Variants in ZFHX3 observed in about 807,000 individuals in gnomAD.
ZFHX3 encodes zinc finger homeobox protein 3.
A neutral mutation model predicts 279.1 loss-of-function variants in ZFHX3; 42 were observed. The ratio of observed to expected loss-of-function variants is 0.15; its 90% CI spans 0.12 to 0.19. ZFHX3 has a LOEUF of 0.19. Ranked by LOEUF, ZFHX3 falls within the 10% of genes least tolerant of loss-of-function variation. The pLI is 1.00. For missense variants in ZFHX3, 4,981 were observed against 4,754.0 expected (o/e 1.05, Z -1.40); for synonymous variants, 2,293 against 1,957.8 (o/e 1.17, Z -4.52).
chr16:72,804,581 CATT>C (rs530443901), intron 7 of ZFHX3, among the ~76,000 whole-genome samples: 17 of 152,040 alleles, frequency 1.1e-4, no homozygotes, highest in Non-Finnish European at 1.8e-4. Flanking sequence ...TAGTTTGGTT[CATT>C]ATTATTTTGG....
intron 3 of ZFHX3, among the ~76,000 whole-genome samples, chr16:72,902,483 T>C (rs2039063639): frequency 1.3e-5 from 2 of 152,178 alleles, no homozygotes; most frequent in Non-Finnish European, 2.9e-5. Flanking sequence ...AATGAGGACA[T>C]TAGTTATGCA....
chr16:73,784,338 A>G (rs328329), intron 1 of ZFHX3, among the ~76,000 whole-genome samples: 72,567 of 152,024 alleles, frequency 0.48, 20,302 homozygotes, highest in African/African-American at 0.79. Context: ...TGCTTAACAT[A>G]TCTAGTGCCT....
intron 5 of ZFHX3, among the ~76,000 whole-genome samples, chr16:73,209,028 A>G (rs2011910101): frequency 6.6e-6 from 1 of 152,218 alleles, no homozygotes; most frequent in Non-Finnish European, 1.5e-5. Context: ...TCAACCCAAT[A>G]TATGAGGAAG....
At chr16:73,376,566 G>T (rs1412354248) in intron 3 of ZFHX3, among the ~76,000 whole-genome samples, 1 of 152,176 alleles carries the variant, frequency 6.6e-6, no homozygotes, top group Non-Finnish European at 1.5e-5. Flanking sequence ...CATGTTTGTT[G>T]TGTGAGCAGC....
chr16:73,082,443 G>A (rs765019250), intron 8 of ZFHX3, among the ~76,000 whole-genome samples: 27 of 151,642 alleles, frequency 1.8e-4, no homozygotes, highest in Non-Finnish European at 2.5e-4. Context: ...AATTTTTTTT[G>A]TATTTTTAGT....
intron 3 of ZFHX3, among the ~76,000 whole-genome samples, chr16:73,383,792 G>A (rs939563547): frequency 1.3e-5 from 2 of 152,184 alleles, no homozygotes; most frequent in African/African-American, 4.8e-5. Context: ...GGTTTCCCAG[G>A]GAGATGGGCA....
At chr16:72,952,034 T>A (rs151023397) in intron 2 of ZFHX3, among the ~76,000 whole-genome samples, 8 of 152,340 alleles carry the variant, frequency 5.3e-5, no homozygotes, top group African/African-American at 9.6e-5. Context: ...GCAGATCACC[T>A]GAGCTTAGGA....
intron 2 of ZFHX3, among the ~76,000 whole-genome samples, chr16:73,620,086 C>G (rs1440433558): frequency 6.6e-6 from 1 of 152,134 alleles, no homozygotes; most frequent in African/African-American, 2.4e-5. Context: ...ACCATGCAGG[C>G]TCTTAGCAGG....
intron 7 of ZFHX3, among the ~76,000 whole-genome samples, chr16:73,129,640 G>A (rs572600172): frequency 2.6e-5 from 4 of 151,138 alleles, no homozygotes; most frequent in Non-Finnish European, 5.9e-5. Context: ...GCGTGTGTGC[G>A]TGTGCGTGTG....
At chr16:73,852,965 AAAAC>A (rs60093693) in intron 1 of ZFHX3, among the ~76,000 whole-genome samples, 51,646 of 151,192 alleles carry the variant, frequency 0.34, 9,052 homozygotes, top group Non-Finnish European at 0.39. Context: ...CTCAACAAGT[AAAAC>A]AAACAAACAA....
chr16:73,655,476 C>T (rs1490903146), intron 2 of ZFHX3, among the ~76,000 whole-genome samples: 1 of 152,094 alleles, frequency 6.6e-6, no homozygotes, highest in Non-Finnish European at 1.5e-5. Context: ...CATTTCTATA[C>T]ATCAGCAAAA....
At chr16:73,010,857 T>G (rs1287681936) in intron 1 of ZFHX3, among the ~76,000 whole-genome samples, 1 of 152,148 alleles carries the variant, frequency 6.6e-6, no homozygotes, top group Non-Finnish European at 1.5e-5. Flanking sequence ...CAGGCTGGAG[T>G]GCACTGGCAT....
chr16:73,392,813 A>G (rs559277477), intron 3 of ZFHX3, among the ~76,000 whole-genome samples: 20 of 146,196 alleles, frequency 1.4e-4, no homozygotes, highest in African/African-American at 4.1e-4. Context: ...GGTCAAGAGC[A>G]TTTCCAGAAG....
chr16:73,043,243 T>C, intron 1 of ZFHX3, among the ~76,000 whole-genome samples: 1 of 152,052 alleles, frequency 6.6e-6, no homozygotes, highest in South Asian at 2.1e-4. Flanking sequence ...AAGGTACACA[T>C]CAAACCCCCC....
At chr16:73,453,252 A>G (rs1402594591) in intron 3 of ZFHX3, among the ~76,000 whole-genome samples, 1 of 152,234 alleles carries the variant, frequency 6.6e-6, no homozygotes, top group African/African-American at 2.4e-5. Context: ...AGTTGTAACT[A>G]GTTGATTCCC....
At chr16:72,986,121 C>T (rs759199670) in intron 1 of ZFHX3, among the ~76,000 whole-genome samples, 7 of 152,024 alleles carry the variant, frequency 4.6e-5, no homozygotes, top group Non-Finnish European at 8.8e-5. Flanking sequence ...CATGTTCTTC[C>T]CAGGGACAGG....
At chr16:72,836,702 AG>A (rs1239247814) in intron 4 of ZFHX3, among the ~76,000 whole-genome samples, 5 of 152,278 alleles carry the variant, frequency 3.3e-5, no homozygotes, top group Admixed American at 3.3e-4. Context: ...TCTACTTCTC[AG>A]CAGAGTATAT....
chr16:73,735,077 T>C (rs1439305172), intron 1 of ZFHX3, among the ~76,000 whole-genome samples: 1 of 152,144 alleles, frequency 6.6e-6, no homozygotes, highest in African/African-American at 2.4e-5. Flanking sequence ...ATTAACTACT[T>C]TAACCACGTT....
chr16:73,026,478 C>A (rs1964504636), intron 1 of ZFHX3, among the ~76,000 whole-genome samples: 1 of 151,908 alleles, frequency 6.6e-6, no homozygotes, highest in African/African-American at 2.4e-5. Flanking sequence ...TCGAGACCAG[C>A]CTGACCAACA....
Sources: gnomAD v4.1 joint callset for allele counts (sites outside exome capture counted in the v4.1 genomes callset) on GRCh38, gnomAD v4.1.1 for gene constraint, MANE v1.5 for transcripts, NCBI Gene and HGNC (gene_info 2026-07-23, HGNC 2026-07-21) for gene names.